The following GALNTL5 variants were observed in gnomAD, a reference collection of about 807,000 sequenced individuals.
GALNTL5 encodes polypeptide N-acetylgalactosaminyltransferase like 5.
GALNTL5 carries 44 observed loss-of-function variants against 51.0 expected under a neutral mutation model. That is an observed-to-expected ratio of 0.86 (90% CI 0.68 to 1.11). The LOEUF (loss-of-function observed/expected upper bound fraction) is 1.11. Among genes scored for constraint, GALNTL5 ranks in the 50% least tolerant of loss-of-function variants. The pLI is 0.00. For missense variants in GALNTL5, 528 were observed against 531.8 expected (o/e 0.99, Z 0.07); for synonymous variants, 192 against 182.8 (o/e 1.05, Z -0.41).
chr7:152,000,901 T>C (rs1213320205), intron 5 of GALNTL5, among the ~76,000 whole-genome samples: 2 of 148,282 alleles, frequency 1.3e-5, no homozygotes, highest in Non-Finnish European at 1.5e-5. Context: ...TTCTTTTCTT[T>C]TTTTTCTTTC....
chr7:151,980,871 A>G lies in GALNTL5; in HGVS notation c.369-2115A>G, dbSNP rs369971291. 1.7e-3 allele frequency among the ~76,000 whole-genome samples: 233 copies of G among 140,232 alleles called. 8 individuals are homozygous for G. The South Asian group carries it at 0.019, about 12-fold the overall frequency. 92.0% of individuals were successfully genotyped at this position (140,232 alleles called of 152,430 possible). A position where few individuals can be genotyped will look rare whatever the true frequency, so the allele number is the denominator to read the frequency against. On this transcript the variant is annotated intron_variant, in intron 3 of 8. Transcript: ENST00000392800. Reference sequence around the variant, plus strand: ...CGCCATTCTCCTGCCTCAGCCTCCCAAGTAGCTGGGACTACAGGCACCCGC... The same window carrying G: ...CGCCATTCTCCTGCCTCAGCCTCCCGAGTAGCTGGGACTACAGGCACCCGC...
chr7:152,015,734 G>A (rs893458556), intron 8 of GALNTL5, among the ~76,000 whole-genome samples: 3 of 152,130 alleles, frequency 2.0e-5, no homozygotes, highest in Admixed American at 6.5e-5. Flanking sequence ...TCTTGAGACC[G>A]TGTGAGAACT....
intron 2 of GALNTL5, 26 bp from the exon 3 acceptor site, chr7:151,970,919 A>G: frequency 1.3e-6 from 2 of 1,569,230 alleles, no homozygotes; most frequent in Non-Finnish European, 1.7e-6. Flanking sequence ...CTTTACTTAT[A>G]TGATTCTAAT....
chr7:151,992,820 A>C (rs2081444183), intron 5 of GALNTL5, among the ~76,000 whole-genome samples: 1 of 152,078 alleles, frequency 6.6e-6, no homozygotes, highest in Non-Finnish European at 1.5e-5. Flanking sequence ...AAACCCACAT[A>C]ATACCCATAG....
At chr7:152,015,094 T>A (rs1199060131) in intron 8 of GALNTL5, among the ~76,000 whole-genome samples, 1 of 152,152 alleles carries the variant, frequency 6.6e-6, no homozygotes, top group Non-Finnish European at 1.5e-5. Context: ...TGTTCTTTTC[T>A]CTGTTTTTCT....
intron 8 of GALNTL5, among the ~76,000 whole-genome samples, chr7:152,019,376 T>C (rs1163366877): frequency 1.3e-5 from 2 of 152,236 alleles, no homozygotes; most frequent in Non-Finnish European, 2.9e-5. Flanking sequence ...AATAGGTGGC[T>C]GTGCTTCTTT....
In GALNTL5 at chr7:151,967,207, G is replaced by A. The variant is rs746041489; in HGVS notation, c.-39-1G>A. 1.8e-5 allele frequency: 28 copies of A among 1,578,102 alleles called. No individual in the cohort carries two copies. The highest frequency in any genetic ancestry group is 2.7e-5 in the African/African-American group (2 of 73,588). On this transcript the variant is annotated splice_acceptor_variant, in intron 1 of 8. Coordinates refer to ENST00000392800, the MANE Select transcript of GALNTL5 (RefSeq NM_145292.4). LOFTEE classifies it low-confidence loss of function (5UTR_SPLICE). The stretch of plus-strand genomic sequence containing the variant: ...GCTCCTCTTAAATCATTCTGATTTA[G>A]GAAATTGAAAAATGGACCTTTGAAA...
At chr7:151,966,919 GAGT>G (rs1488854862) in intron 1 of GALNTL5, among the ~76,000 whole-genome samples, 2 of 152,208 alleles carry the variant, frequency 1.3e-5, no homozygotes, top group African/African-American at 4.8e-5. Context: ...GATAAGGGAT[GAGT>G]AAGCCTTCTT....
In GALNTL5 at chr7:151,967,386, C is replaced by T. The variant is rs772446377; in HGVS notation, c.140C>T (p.Ser47Phe). 1.9e-6 allele frequency: 3 copies of T among 1,613,918 alleles called. No homozygotes were observed. The highest frequency in any genetic ancestry group is 3.3e-5 in the Admixed American group (2 of 60,000). The change falls in exon 2 of 9, where the codon TCC (serine) becomes TTC (phenylalanine). Residue 47 changes from serine (S) to phenylalanine (F), a missense_variant. Ser to Phe is a radical substitution (Grantham distance 155, BLOSUM62 -2). Coordinates refer to ENST00000392800, the MANE Select transcript of GALNTL5 (RefSeq NM_145292.4). ...KKSQEPLSAW[S>F]PGKKVHQQII... ...AGCCAGGAGCCTCTGTCAGCTTGGT[C>T]CCCTGGAAAAAAAGTGCATCAGCAA...
chr7:151,966,185 A>G (rs989209294), intron 1 of GALNTL5, among the ~76,000 whole-genome samples: 1 of 152,052 alleles, frequency 6.6e-6, no homozygotes, highest in African/African-American at 2.4e-5. Context: ...CATTTCCATC[A>G]TTGAAAGAGT....
chr7:152,013,469 G>C (rs1407966747), intron 7 of GALNTL5, among the ~76,000 whole-genome samples: 2 of 152,144 alleles, frequency 1.3e-5, no homozygotes, highest in African/African-American at 4.8e-5. Context: ...ACAAGCAATG[G>C]TTATTTCTCA....
intron 5 of GALNTL5, among the ~76,000 whole-genome samples, chr7:151,988,895 TTG>T: frequency 6.6e-6 from 1 of 151,966 alleles, no homozygotes; most frequent in Non-Finnish European, 1.5e-5. Flanking sequence ...AGACGGGGTT[TTG>T]CCATGTTGGC....
At chr7:152,006,372 T>C (rs767638391) in intron 6 of GALNTL5, among the ~76,000 whole-genome samples, 6 of 152,166 alleles carry the variant, frequency 3.9e-5, no homozygotes, top group Non-Finnish European at 8.8e-5. Context: ...AAAGGGGACA[T>C]AACTGACAGG....
chr7:151,985,193 G>C (rs1476849640), intron 4 of GALNTL5, among the ~76,000 whole-genome samples: 1 of 152,166 alleles, frequency 6.6e-6, no homozygotes, highest in African/African-American at 2.4e-5. Flanking sequence ...ATCATACTGA[G>C]GGGTACTTTG....
chr7:151,968,621 A>C lies in GALNTL5; in HGVS notation c.247+1128A>C, dbSNP rs143729659. ...GAGAAAGGAGAGAAACAGCAAACCA[A>C]GGGTGAGTGCCAGGGGGACAGTGTT... On this transcript the variant is annotated intron_variant, in intron 2 of 8. Transcript: ENST00000392800. 1.1e-3 allele frequency among the ~76,000 whole-genome samples: 170 copies of C among 152,336 alleles called. 1 individual carries two copies. The highest frequency in any genetic ancestry group is 3.8e-3 in the African/African-American group (160 of 41,586).
At chr7:151,991,036 T>C (rs2081422772) in intron 5 of GALNTL5, among the ~76,000 whole-genome samples, 1 of 152,196 alleles carries the variant, frequency 6.6e-6, no homozygotes, top group Non-Finnish European at 1.5e-5. Flanking sequence ...TTGTCTCCTG[T>C]TCAAAAAAAT....
chr7:151,967,780 C>T (rs1341532423), intron 2 of GALNTL5, among the ~76,000 whole-genome samples: 8 of 152,144 alleles, frequency 5.3e-5, no homozygotes, highest in Non-Finnish European at 2.9e-5. Flanking sequence ...CTCCACCTCC[C>T]TCCCGTCCCC....
chr7:151,970,642 T>C, intron 2 of GALNTL5: 1 of 230,644 alleles, frequency 4.3e-6, no homozygotes. Context: ...CTGCCAAGAT[T>C]GGAAGCTTCC....
At chr7:151,985,706 T>G (rs917346894) in intron 4 of GALNTL5, 6 of 152,878 alleles carry the variant, frequency 3.9e-5, no homozygotes, top group Non-Finnish European at 8.7e-5. Flanking sequence ...CACCCTCCAC[T>G]TCATGTCAGT....
Sources: allele counts gnomAD v4.1 joint callset (sites outside exome capture counted in the v4.1 genomes callset), GRCh38; gene constraint gnomAD v4.1.1; transcripts MANE v1.5; gene names NCBI Gene and HGNC (gene_info 2026-07-23, HGNC 2026-07-21).